The following DCDC1 variants were observed in gnomAD, a reference collection of about 807,000 sequenced individuals.
The protein encoded by DCDC1 is doublecortin domain containing 1.
In DCDC1, 200 loss-of-function variants were observed where a neutral mutation model predicts 178.3. That is an observed-to-expected ratio of 1.12 (90% CI 1.00 to 1.26). The LOEUF is 1.26. DCDC1 is among the 50% of genes most tolerant of loss of function. The pLI is 0.00. For missense variants in DCDC1, 1,983 were observed against 1,749.2 expected (o/e 1.13, Z -2.38); for synonymous variants, 690 against 604.8 (o/e 1.14, Z -2.07).
intron 7 of DCDC1, among the ~76,000 whole-genome samples, chr11:31,273,218 C>T (rs1945715099): frequency 6.6e-6 from 1 of 152,182 alleles, no homozygotes; most frequent in Admixed American, 6.5e-5. Context: ...CTGCAGCCAG[C>T]TTGAATTTCT....
chr11:31,258,548 G>T (rs1364884618), intron 8 of DCDC1, among the ~76,000 whole-genome samples: 3 of 152,142 alleles, frequency 2.0e-5, no homozygotes, highest in Non-Finnish European at 4.4e-5. Flanking sequence ...CTTAAACATT[G>T]CAGAAAAAGA....
At chr11:31,043,306 A>C (rs1954603739) in intron 20 of DCDC1, among the ~76,000 whole-genome samples, 1 of 152,210 alleles carries the variant, frequency 6.6e-6, no homozygotes, top group Non-Finnish European at 1.5e-5. Context: ...TTTTGCTGGT[A>C]CATACTTCTG....
At chr11:30,932,117 T>A (rs1306807882) in intron 21 of DCDC1, among the ~76,000 whole-genome samples, 165 bp from the exon 22 acceptor site, 5 of 152,178 alleles carry the variant, frequency 3.3e-5, no homozygotes, top group African/African-American at 1.2e-4. Flanking sequence ...AATGTTTTAT[T>A]TGAAGAGGAA....
intron 25 of DCDC1, among the ~76,000 whole-genome samples, chr11:30,918,590 A>C (rs1308591213): frequency 4.6e-5 from 7 of 152,200 alleles, no homozygotes; most frequent in African/African-American, 1.7e-4. Context: ...GAATTGAGAC[A>C]AAGACAATAG....
intron 11 of DCDC1, among the ~76,000 whole-genome samples, chr11:31,125,852 A>G (rs1344181582): frequency 1.3e-5 from 2 of 152,148 alleles, no homozygotes; most frequent in African/African-American, 4.8e-5. Context: ...TGATGGGTTG[A>G]TAAGTGCAGG....
At chr11:31,251,328 TGAACATTATTCTGAGTGTGTCTGTGA>T (rs1683115795) in intron 8 of DCDC1, among the ~76,000 whole-genome samples, 3 of 152,234 alleles carry the variant, frequency 2.0e-5, no homozygotes, top group African/African-American at 7.2e-5. Context: ...GACATTTGGC[TGAACATTATTCTGAGTGTGTCTGTGA>T]GGATGTTTAA....
chr11:31,161,438 T>C (rs928799859), intron 9 of DCDC1, among the ~76,000 whole-genome samples: 2 of 152,280 alleles, frequency 1.3e-5, no homozygotes, highest in Admixed American at 1.3e-4. Flanking sequence ...GGCTGCTGAT[T>C]CTGTGTGACC....
At chr11:31,321,197 CCGG>C (rs1949321898) in intron 3 of DCDC1, among the ~76,000 whole-genome samples, 1 of 43,726 alleles carries the variant, frequency 2.3e-5, no homozygotes, top group Non-Finnish European at 4.6e-5. Context: ...TTCGAGCTTC[CCGG>C]CTGCTTTGTT....
At chr11:30,884,926 G>A (rs971930978) in intron 36 of DCDC1, among the ~76,000 whole-genome samples, 1 of 151,984 alleles carries the variant, frequency 6.6e-6, no homozygotes, top group African/African-American at 2.4e-5. Flanking sequence ...ATGATTTTAC[G>A]ATGTTGAACT....
chr11:30,909,180 T>C, intron 28 of DCDC1, 64 bp from the exon 29 acceptor site: 1 of 1,390,952 alleles, frequency 7.2e-7, no homozygotes, highest in Non-Finnish European at 9.7e-7. Context: ...GTCTTGTTTT[T>C]CATTGCATAT....
At chr11:31,062,014 A>G (rs1955949186) in intron 20 of DCDC1, among the ~76,000 whole-genome samples, 1 of 152,140 alleles carries the variant, frequency 6.6e-6, no homozygotes, top group Non-Finnish European at 1.5e-5. Context: ...TAAGCTACCC[A>G]GTGCCCTATA....
intron 11 of DCDC1, among the ~76,000 whole-genome samples, chr11:31,115,989 G>GGGGGC (rs1555066761): frequency 1.5e-5 from 2 of 134,432 alleles, no homozygotes; most frequent in African/African-American, 2.6e-5. Flanking sequence ...AGTGGGGGGG[G>GGGGGC]GGGGGATGGG....
intron 7 of DCDC1, among the ~76,000 whole-genome samples, chr11:31,267,733 G>A (rs1248420178): frequency 6.6e-6 from 1 of 152,076 alleles, no homozygotes; most frequent in Non-Finnish European, 1.5e-5. Flanking sequence ...AAAGATGCTG[G>A]GAAAGCAATG....
At chr11:31,307,608 G>A (rs1000042477) in intron 4 of DCDC1, 31 bp downstream of exon 4, 3 of 1,608,834 alleles carry the variant, frequency 1.9e-6, no homozygotes, top group Non-Finnish European at 2.5e-6. Flanking sequence ...TCAACAATAG[G>A]TTAAAAAGAA....
chr11:30,892,900 G>T lies in DCDC1; in HGVS notation c.5000C>A (p.Pro1667His). ...AVKPSNLYKQ[P>H]NTKRVWIYLN... The stretch of plus-strand genomic sequence containing the variant: ...ATAAATCCACACTCGTTTTGTGTTG[G>T]GCTGCTTATACAGGTTGCTCGGCTT... The change falls in exon 36 of 39, where the codon CCC becomes CAC. Residue 1667 changes from proline to histidine, a missense_variant. By Grantham distance (77) the Pro-to-His change is moderately conservative. Transcript: ENST00000684477. The T allele has an allele frequency of 6.2e-7, 1 of 1,613,896 alleles. No homozygotes were observed. The highest frequency in any genetic ancestry group is 8.5e-7 in the Non-Finnish European group (1 of 1,179,838).
intron 9 of DCDC1, among the ~76,000 whole-genome samples, chr11:31,162,162 G>A (rs1429138987): frequency 1.3e-5 from 2 of 152,112 alleles, no homozygotes; most frequent in African/African-American, 4.8e-5. Flanking sequence ...TTTACACAGA[G>A]AAAGTATTTT....
intron 21 of DCDC1, among the ~76,000 whole-genome samples, chr11:30,946,697 A>T (rs973232659): frequency 6.6e-6 from 1 of 152,206 alleles, no homozygotes; most frequent in Admixed American, 6.5e-5. Context: ...AAAATATGAC[A>T]AATTAGACAA....
chr11:31,308,032 T>C, intron 3 of DCDC1, 124 bp from the exon 4 acceptor site: 1 of 1,254,838 alleles, frequency 8.0e-7, no homozygotes, highest in Non-Finnish European at 1.1e-6. Flanking sequence ...AGCCATTATT[T>C]TGTTTAATGC....
intron 9 of DCDC1, among the ~76,000 whole-genome samples, chr11:31,213,166 T>TTCTTTA (rs1972977912): frequency 7.5e-6 from 1 of 132,530 alleles, no homozygotes; most frequent in Admixed American, 7.6e-5. Context: ...TCTCTCTGCT[T>TTCTTTA]TCTTTACCAG....
Sources: allele counts gnomAD v4.1 joint callset (sites outside exome capture counted in the v4.1 genomes callset), GRCh38; gene constraint gnomAD v4.1.1; transcripts MANE v1.5; gene names NCBI Gene and HGNC (gene_info 2026-07-23, HGNC 2026-07-21).